ARHGEF2: variants seen among roughly 807,000 people sequenced by gnomAD.
ARHGEF2 encodes Rho/Rac guanine nucleotide exchange factor 2.
Under a neutral mutation model 121.0 loss-of-function variants are expected in ARHGEF2, and 22 were observed. The observed-to-expected ratio is 0.18, with a 90% CI of 0.13 to 0.26. ARHGEF2 has a LOEUF of 0.26. ARHGEF2 is among the 10% of genes least tolerant of loss of function. ARHGEF2 has a pLI of 1.00. For missense variants in ARHGEF2, 907 were observed against 1,336.0 expected (o/e 0.68, Z 5.01); for synonymous variants, 487 against 530.0 (o/e 0.92, Z 1.11).
chr1:155,949,080 T>G (rs569278297), intron 21 of ARHGEF2, among the ~76,000 whole-genome samples: 89 of 151,870 alleles, frequency 5.9e-4, no homozygotes, highest in Middle Eastern at 3.4e-3. Flanking sequence ...AAACCCCATC[T>G]CTACTAAAAA....
intron 1 of ARHGEF2, among the ~76,000 whole-genome samples, chr1:155,975,169 C>T (rs1681104820): frequency 1.3e-5 from 2 of 152,134 alleles, no homozygotes; most frequent in Admixed American, 1.3e-4. Flanking sequence ...CACGAACCCC[C>T]TACTTTGCTG....
At position 155,962,611 on chromosome 1, in the gene ARHGEF2, G is replaced by A. The variant is rs1678199991; in HGVS notation, c.1083C>T (p.Arg361=). 6.2e-7 allele frequency: 1 copy of A among 1,613,934 alleles called. No individual in the cohort carries two copies. Among genetic ancestry groups the A allele is most frequent in the Non-Finnish European group, 8.5e-7 (1 of 1,180,038 alleles). ...CGCTCACCCGGATGAATTGCTGGAA[G>A]CGTTTGTCTCGGGCGTACAGCTCCT... The part of the protein sequence containing the change: ...LYKELYARDK[R]FQQFIRKVTR... The change falls in exon 9 of 22, where the codon CGC becomes CGT. Residue 361 remains arginine (R), a synonymous_variant. Coordinates refer to ENST00000361247, the MANE Select transcript of ARHGEF2 (RefSeq NM_001162383.2). The surrounding 1 kb of genome is among the most constrained non-coding windows in gnomAD (Gnocchi z 5.8).
chr1:155,947,747 A>G lies in ARHGEF2; in HGVS notation c.*195T>C, dbSNP rs1051081919. On this transcript the variant is annotated 3_prime_UTR_variant, in exon 22 of 22. Transcript: ENST00000361247. The stretch of plus-strand genomic sequence containing the variant: ...CTGGCATCTGTGGTGTAGCTTTCGG[A>G]TGTCCCAGGGGGTGTTGTGGCCTAA... 3.7e-6 allele frequency: 2 copies of G among 546,970 alleles called. No homozygotes were observed. The highest frequency in any genetic ancestry group is 1.9e-5 in the African/African-American group (1 of 52,376). 33.9% of individuals were successfully genotyped at this position (546,970 alleles called of 1,614,324 possible).
intron 11 of ARHGEF2, 29 bp from the exon 12 acceptor site, chr1:155,958,425 T>A: frequency 6.3e-7 from 1 of 1,585,474 alleles, no homozygotes; most frequent in South Asian, 1.1e-5. Context: ...GGGAGAACAG[T>A]CAGCACTAGA....
chr1:155,955,820 A>G (rs1467233119), intron 13 of ARHGEF2, among the ~76,000 whole-genome samples: 5 of 151,814 alleles, frequency 3.3e-5, no homozygotes, highest in African/African-American at 1.2e-4. Flanking sequence ...GGTTCAGGTG[A>G]TTCTCCTGCC....
Position 155,951,781 on chromosome 1 carries a change from A to C in ARHGEF2, c.2173-5T>G, listed in dbSNP as rs988864252. On this transcript the variant is annotated splice_polypyrimidine_tract_variant and splice_region_variant and intron_variant, in intron 17 of 21. Transcript: ENST00000361247. This position sits in a 1 kb window ranked among gnomAD's most constrained non-coding sequence, Gnocchi z 5.1. Reference sequence around the variant, plus strand: ...CAGCTGATTTCCATTTCGATCCTGCAGAAATGGGCAAGAATGGGGAGTCAG... The same window carrying C: ...CAGCTGATTTCCATTTCGATCCTGCCGAAATGGGCAAGAATGGGGAGTCAG... 2.5e-6 allele frequency: 4 copies of C among 1,613,856 alleles called. No individual in the cohort carries two copies. The highest frequency in any genetic ancestry group is 8.5e-7 in the Non-Finnish European group (1 of 1,180,008).
chr1:155,971,828 G>C (rs1405824548), intron 1 of ARHGEF2, among the ~76,000 whole-genome samples: 1 of 151,398 alleles, frequency 6.6e-6, no homozygotes, highest in Non-Finnish European at 1.5e-5. Context: ...TGGGAGGATC[G>C]CTTGAGGCCA....
At position 155,951,998 on chromosome 1, in the gene ARHGEF2, G is replaced by A. The variant is rs372639655; in HGVS notation, c.2105-12C>T. On this transcript the variant is annotated splice_polypyrimidine_tract_variant and intron_variant, in intron 16 of 21. Transcript: ENST00000361247. This position sits in a 1 kb window ranked among gnomAD's most constrained non-coding sequence, Gnocchi z 5.1. Reference sequence around the variant, plus strand: ...TCTGGCCTCACCATCTGTTGAGAAGGAGAAAAGGATGGCTGAGCTCACTTC... The same window carrying A: ...TCTGGCCTCACCATCTGTTGAGAAGAAGAAAAGGATGGCTGAGCTCACTTC... 8.1e-6 allele frequency: 13 copies of A among 1,613,976 alleles called. No individual in the cohort carries two copies. The African/African-American group carries it at 1.6e-4, about 20-fold the overall frequency.
At chr1:155,977,977 C>T in intron 1 of ARHGEF2, 2 of 644,338 alleles carry the variant, frequency 3.1e-6, no homozygotes, top group Non-Finnish European at 3.9e-6. Context: ...AAGCCCAAGC[C>T]GGTGGGGCCC....
chr1:155,951,050 G>A lies in ARHGEF2; in HGVS notation c.2482C>T (p.Arg828Trp), dbSNP rs1366836897. Residue 828 changes from arginine (R) to tryptophan (W), a missense_variant, in exon 20 of 22, where the codon CGG becomes TGG. Physicochemically the swap from Arg to Trp is moderately radical, Grantham distance 101 (BLOSUM62 -3). This residue lies in a region of ARHGEF2 where 432 missense variants were observed against 559.5 expected (regional missense o/e 0.77). Coordinates refer to ENST00000361247, the MANE Select transcript of ARHGEF2 (RefSeq NM_001162383.2). This position sits in a 1 kb window ranked among gnomAD's most constrained non-coding sequence, Gnocchi z 5.1. ...LRRCRRLGEE[R>W]ATEAGSLEAR... ...TCCAGGCTGCCAGCTTCGGTTGCCC[G>A]TTCTTCACCTAGCCGCCGGCAGCGC... 6 of 1,601,454 alleles carry A rather than the reference G, an allele frequency of 3.7e-6. No homozygotes were observed. Among genetic ancestry groups the A allele is most frequent in the African/African-American group, 2.7e-5 (2 of 74,714 alleles).
chr1:155,973,192 G>A (rs1680762849), intron 1 of ARHGEF2, among the ~76,000 whole-genome samples: 1 of 152,304 alleles, frequency 6.6e-6, no homozygotes, highest in Non-Finnish European at 1.5e-5. Context: ...AAAGAAGCAA[G>A]GAAGGATGTA....
chr1:155,967,982 T>A (rs1225437828), intron 2 of ARHGEF2, among the ~76,000 whole-genome samples: 2 of 149,938 alleles, frequency 1.3e-5, no homozygotes, highest in African/African-American at 4.9e-5. Context: ...AGCTCCCTTC[T>A]CCTACCCCCA....
chr1:155,970,389 G>T, intron 1 of ARHGEF2: 2 of 985,438 alleles, frequency 2.0e-6, no homozygotes, highest in Non-Finnish European at 2.4e-6. Flanking sequence ...AAGGTGAGAA[G>T]AGGGGGATAT....
At position 155,978,307 on chromosome 1, in the gene ARHGEF2, C is replaced by A; in HGVS notation, c.63+58G>T. The A allele has an allele frequency of 7.1e-7, 1 of 1,409,306 alleles. No homozygotes were observed. Among genetic ancestry groups the A allele is most frequent in the Non-Finnish European group, 9.4e-7 (1 of 1,059,520 alleles). The allele number at this position is 1,409,306 out of a possible 1,614,324, so 87.3% of individuals were successfully genotyped here. A position where few individuals can be genotyped will look rare whatever the true frequency, so the allele number is the denominator to read the frequency against. ...GGAGACAGGAGATGCACCGCGGGTG[C>A]CGGGGTTCGGGGAGCACCCGAGGAC... On this transcript the variant is annotated intron_variant, in intron 1 of 21. Coordinates refer to ENST00000361247, the MANE Select transcript of ARHGEF2 (RefSeq NM_001162383.2). The surrounding 1 kb of genome is among the most constrained non-coding windows in gnomAD (Gnocchi z 4.1).
At chr1:155,969,683 G>A (rs982239568) in intron 1 of ARHGEF2, 42 of 1,023,388 alleles carry the variant, frequency 4.1e-5, no homozygotes, top group Non-Finnish European at 4.8e-5. Context: ...TGCGCAGAGA[G>A]GAGGGGAGAG....
chr1:155,968,882 G>C lies in ARHGEF2; in HGVS notation c.208+274C>G, dbSNP rs1572173114. The C allele has an allele frequency of 2.1e-5, 9 of 425,786 alleles. No homozygotes were observed. In the East Asian group the frequency reaches 2.9e-4, roughly 14 times the overall value. The allele number at this position is 425,786 out of a possible 1,614,324, so 26.4% of individuals were successfully genotyped here. ...CTTAGCAGCTGTTCGGGGAGCAAGG[G>C]GGGTGCCTGGTGGATGACAGCTGCA... is the stretch of plus-strand genomic sequence containing the variant. On this transcript the variant is annotated intron_variant, in intron 2 of 21. Coordinates refer to ENST00000361247, the MANE Select transcript of ARHGEF2 (RefSeq NM_001162383.2).
At chr1:155,953,357 A>C (rs535182640) in intron 14 of ARHGEF2, among the ~76,000 whole-genome samples, 3 of 152,142 alleles carry the variant, frequency 2.0e-5, no homozygotes, top group South Asian at 4.1e-4. Context: ...AATGCATAGA[A>C]GTTTCATCTG....
rs765148044 is a variant in ARHGEF2 at position 155,952,688 on chromosome 1, G to A, written c.1924C>T (p.Arg642Cys). 1.9e-5 allele frequency: 30 copies of A among 1,614,104 alleles called. No homozygotes were observed. The highest frequency in any genetic ancestry group is 4.5e-5 in the East Asian group (2 of 44,890). Residue 642 changes from arginine to cysteine, a missense_variant, in exon 15 of 22, where the codon CGC becomes TGC. Physicochemically the swap from Arg to Cys is radical, Grantham distance 180 (BLOSUM62 -3). Coordinates refer to ENST00000361247, the MANE Select transcript of ARHGEF2 (RefSeq NM_001162383.2). Reference sequence around the variant, plus strand: ...CGAGGGGACTCAAGGGACTCAGAGCGGAAAAGGCCCCTGGGCAGGGTGGGC... The same window carrying A: ...CGAGGGGACTCAAGGGACTCAGAGCAGAAAAGGCCCCTGGGCAGGGTGGGC... ...ALPTLPRGLF[R>C]SESLESPRGE...
Position 155,970,494 on chromosome 1 carries a change from C to T in ARHGEF2, c.64-1194G>A, listed in dbSNP as rs945481871. ...GAGCAGGACTAGAAGCTGAGAAGAC[C>T]ACTCCCTCCAAGGTTTCCCAGGCTC... is the stretch of plus-strand genomic sequence containing the variant. On this transcript the variant is annotated intron_variant, in intron 1 of 21. Transcript: ENST00000361247. 31 of 985,406 alleles carry T rather than the reference C, an allele frequency of 3.1e-5. No individual in the cohort carries two copies. In the African/African-American group the frequency reaches 5.2e-4, roughly 17 times the overall value. The allele number at this position is 985,406 out of a possible 1,614,324, so 61.0% of individuals were successfully genotyped here.
Sources: allele counts gnomAD v4.1 joint callset (sites outside exome capture counted in the v4.1 genomes callset), GRCh38; gene constraint gnomAD v4.1.1; regional missense constraint gnomAD v4.1.1; non-coding constraint Gnocchi (gnomAD v3.1); transcripts MANE v1.5; gene names NCBI Gene and HGNC (gene_info 2026-07-23, HGNC 2026-07-21).